The following CSMD3 variants were observed in gnomAD, a reference collection of about 807,000 sequenced individuals.
CSMD3 encodes CUB and sushi domain-containing protein 3.
Under a neutral mutation model 435.2 loss-of-function variants are expected in CSMD3, and 177 were observed. That is an observed-to-expected ratio of 0.41 (90% CI 0.36 to 0.46). CSMD3 has a LOEUF of 0.46. Ranked by LOEUF, CSMD3 falls within the 20% of genes least tolerant of loss-of-function variation. The pLI is 0.34. For synonymous variants in CSMD3, 1,656 were observed against 1,520.5 expected (o/e 1.09, Z -2.07); for missense variants, 4,265 against 4,504.6 (o/e 0.95, Z 1.52).
At chr8:113,282,671 C>T (rs188792611) in intron 2 of CSMD3, among the ~76,000 whole-genome samples, 110 of 152,088 alleles carry the variant, frequency 7.2e-4, no homozygotes, top group Middle Eastern at 3.4e-3. Flanking sequence ...AAGCAATCTA[C>T]AAATTTAATG....
At chr8:113,268,027 C>T (rs960032419) in intron 3 of CSMD3, among the ~76,000 whole-genome samples, 2 of 151,498 alleles carry the variant, frequency 1.3e-5, no homozygotes, top group Admixed American at 1.3e-4. Context: ...AACTATATTA[C>T]CATATTTCCA....
chr8:112,314,606 C>G lies in CSMD3; in HGVS notation c.7372G>C (p.Ala2458Pro), dbSNP rs1219977067. 6.2e-7 allele frequency: 1 copy of G among 1,611,152 alleles called. No individual in the cohort carries two copies. The highest frequency in any genetic ancestry group is 8.5e-7 in the Non-Finnish European group (1 of 1,177,664). Residue 2458 changes from alanine to proline, a missense_variant, in exon 48 of 71, where the codon GCC (alanine) becomes CCC (proline). By Grantham distance (27) the Ala-to-Pro change is conservative. Around this residue, in one of 3 missense-constraint regions of CSMD3, gnomAD observed 3,255 missense variants for 3,380.2 expected, o/e 0.96. Coordinates refer to ENST00000297405, the MANE Select transcript of CSMD3 (RefSeq NM_198123.2). ...GTAGAATCTAGCCGTAATTCATTGG[C>G]AGGACAGAGCACTGTCAAAGAAAAA... ...APPVCQVLCP[A>P]NELRLDSTGV... is the part of the protein sequence containing the mutation.
At chr8:112,610,606 C>T (rs1009140312) in intron 22 of CSMD3, among the ~76,000 whole-genome samples, 2 of 152,054 alleles carry the variant, frequency 1.3e-5, no homozygotes, top group African/African-American at 4.8e-5. Context: ...AATAAATGTC[C>T]AAAGACCATT....
At chr8:112,277,943 A>G (rs1352666299) in intron 59 of CSMD3, among the ~76,000 whole-genome samples, 1 of 152,158 alleles carries the variant, frequency 6.6e-6, no homozygotes, top group African/African-American at 2.4e-5. Context: ...TATGGGAGCT[A>G]CAATCTAAGA....
intron 13 of CSMD3, among the ~76,000 whole-genome samples, chr8:112,795,766 G>C (rs1008267592): frequency 3.9e-5 from 6 of 152,098 alleles, no homozygotes; most frequent in Admixed American, 2.6e-4. Context: ...TGGGTTTTCT[G>C]TAATATGCCA....
intron 16 of CSMD3, among the ~76,000 whole-genome samples, chr8:112,666,989 A>G (rs2075542108): frequency 6.6e-6 from 1 of 152,078 alleles, no homozygotes; most frequent in East Asian, 1.9e-4. Context: ...TTAGATTTGT[A>G]TTTTGATCTC....
In CSMD3 at chr8:112,994,306, T is replaced by TAC. The variant is rs369330876; in HGVS notation, c.1031-18160_1031-18159dup. 3.9e-4 allele frequency among the ~76,000 whole-genome samples: 59 copies of TAC among 151,812 alleles called. No individual in the cohort carries two copies. The East Asian group carries it at 6.2e-3, about 16-fold the overall frequency. On this transcript the variant is annotated intron_variant, in intron 6 of 70. Transcript: ENST00000297405. Reference sequence around the variant, plus strand: ...AGACCTGTCCAACTCAATGAACATGTACACACTACTAGCAGAAAGTGGGCT... The same window carrying TAC: ...AGACCTGTCCAACTCAATGAACATGTACACACACTACTAGCAGAAAGTGGGCT...
chr8:112,608,573 T>C (rs907195635), intron 22 of CSMD3, among the ~76,000 whole-genome samples: 4 of 151,898 alleles, frequency 2.6e-5, no homozygotes, highest in African/African-American at 9.7e-5. Flanking sequence ...ACCAGCACAC[T>C]GGCATGAAAA....
chr8:112,664,927 CCTAA>C (rs1452393012), intron 17 of CSMD3, among the ~76,000 whole-genome samples: 1 of 151,960 alleles, frequency 6.6e-6, no homozygotes, highest in Non-Finnish European at 1.5e-5. Flanking sequence ...TTATGGCAGC[CCTAA>C]CTAATATAGA....
At chr8:113,084,788 G>A (rs192857399) in intron 5 of CSMD3, among the ~76,000 whole-genome samples, 1 of 151,980 alleles carries the variant, frequency 6.6e-6, no homozygotes, top group Admixed American at 6.5e-5. Context: ...AAACATAATA[G>A]AGAACCTGAA....
intron 4 of CSMD3, among the ~76,000 whole-genome samples, chr8:113,116,055 G>A (rs2090816498): frequency 6.6e-6 from 1 of 152,096 alleles, no homozygotes; most frequent in Admixed American, 6.6e-5. Context: ...CTGTATCCAG[G>A]ACAGTGAGAA....
At chr8:112,988,725 T>A (rs558716857) in intron 6 of CSMD3, among the ~76,000 whole-genome samples, 1 of 152,124 alleles carries the variant, frequency 6.6e-6, no homozygotes, top group Non-Finnish European at 1.5e-5. Context: ...ATCAATTTAA[T>A]TTTTCATGGA....
At chr8:112,696,191 C>T (rs1046014170) in intron 13 of CSMD3, among the ~76,000 whole-genome samples, 2 of 152,152 alleles carry the variant, frequency 1.3e-5, no homozygotes, top group African/African-American at 4.8e-5. Flanking sequence ...ATCAAGCTAC[C>T]AATGACCTTT....
At chr8:112,266,810 C>T (rs750625906) in intron 59 of CSMD3, among the ~76,000 whole-genome samples, 1 of 152,152 alleles carries the variant, frequency 6.6e-6, no homozygotes, top group Non-Finnish European at 1.5e-5. Flanking sequence ...TGTTTTGAGG[C>T]ACAGGATTTA....
chr8:113,147,659 A>C (rs1429015581), intron 4 of CSMD3, among the ~76,000 whole-genome samples: 1 of 151,552 alleles, frequency 6.6e-6, no homozygotes, highest in Non-Finnish European at 1.5e-5. Context: ...TTTTGGTGTG[A>C]GTAGGTGTGT....
chr8:112,794,356 C>T (rs899060113), intron 13 of CSMD3, among the ~76,000 whole-genome samples: 8 of 138,662 alleles, frequency 5.8e-5, no homozygotes, highest in East Asian at 2.2e-4. Context: ...GGCAGCGGCG[C>T]GGTCTCGTCT....
intron 20 of CSMD3, among the ~76,000 whole-genome samples, chr8:112,643,944 T>G (rs2074906568): frequency 6.6e-6 from 1 of 151,982 alleles, no homozygotes; most frequent in Non-Finnish European, 1.5e-5. Context: ...GCTTTTAGTT[T>G]TAATGGTAAT....
chr8:112,902,534 G>T (rs2082133795), intron 10 of CSMD3, among the ~76,000 whole-genome samples: 1 of 151,218 alleles, frequency 6.6e-6, no homozygotes, highest in African/African-American at 2.4e-5. Flanking sequence ...CTAAATATAT[G>T]AACCTGGTTT....
intron 10 of CSMD3, among the ~76,000 whole-genome samples, chr8:112,866,269 A>T (rs1013448290): frequency 6.6e-6 from 1 of 152,136 alleles, no homozygotes; most frequent in African/African-American, 2.4e-5. Context: ...GCAAATTCAA[A>T]TCACCTAGAT....
Sources: gnomAD v4.1 joint callset for allele counts (sites outside exome capture counted in the v4.1 genomes callset) on GRCh38, gnomAD v4.1.1 for gene constraint, gnomAD v4.1.1 regional missense constraint, MANE v1.5 for transcripts, NCBI Gene and HGNC (gene_info 2026-07-23, HGNC 2026-07-21) for gene names.